The following CCSER1 variants were observed in gnomAD, a reference collection of about 807,000 sequenced individuals.
CCSER1 encodes coiled-coil serine rich protein 1, also known as serine-rich coiled-coil domain-containing protein 1.
CCSER1 carries 41 observed loss-of-function variants against 82.0 expected under a neutral mutation model. The observed-to-expected ratio is 0.50, with a 90% CI of 0.39 to 0.65. CCSER1 has a LOEUF of 0.65. Ranked by LOEUF, CCSER1 falls within the 30% of genes least tolerant of loss-of-function variation. The pLI, the probability that CCSER1 is intolerant of heterozygous loss-of-function variation, is 0.00. For missense variants in CCSER1, 1,119 were observed against 1,064.2 expected, an observed-to-expected ratio of 1.05 and a Z score of -0.72; for synonymous variants, 414 against 383.9, an observed-to-expected ratio of 1.08 and a Z score of -0.92.
chr4:90,382,962 T>C (rs139680273), intron 3 of CCSER1, among the ~76,000 whole-genome samples: 78 of 152,304 alleles, frequency 5.1e-4, no homozygotes, highest in African/African-American at 1.7e-3. Flanking sequence ...TAAATAGTTA[T>C]TGACTGAATT....
chr4:90,694,456 TAG>T (rs1736601547), intron 6 of CCSER1, among the ~76,000 whole-genome samples: 1 of 152,012 alleles, frequency 6.6e-6, no homozygotes, highest in Non-Finnish European at 1.5e-5. Flanking sequence ...GAGTCTGCAA[TAG>T]ATGCTAACTT....
intron 7 of CCSER1, among the ~76,000 whole-genome samples, chr4:90,749,111 G>C (rs377470817): frequency 1.3e-4 from 19 of 151,766 alleles, no homozygotes; most frequent in Admixed American, 2.0e-4. Context: ...AAGTCCTTGC[G>C]CATGCCTATG....
At position 90,183,673 on chromosome 4, in the gene CCSER1, T is replaced by C. The variant is rs538515154; in HGVS notation, c.-42+55842T>C. Among the ~76,000 whole-genome samples the C allele has an allele frequency of 1.5e-3, 225 of 152,320 alleles. 1 individual carries two copies. Among genetic ancestry groups the C allele is most frequent in the Non-Finnish European group, 2.8e-3 (189 of 68,022 alleles). On this transcript the variant is annotated intron_variant, in intron 1 of 10. Transcript: ENST00000509176. ...TATAGTCTGACTTGAGCTTTTTCTC[T>C]GACTAGATTTTTTACCTCAAAGGCA...
chr4:90,253,241 G>C (rs937130054), intron 1 of CCSER1, among the ~76,000 whole-genome samples: 1 of 152,014 alleles, frequency 6.6e-6, no homozygotes, highest in Non-Finnish European at 1.5e-5. Context: ...AAAAGGAATG[G>C]AAAGAAATGT....
intron 10 of CCSER1, among the ~76,000 whole-genome samples, chr4:91,320,021 T>C (rs139930252): frequency 2.6e-4 from 40 of 152,150 alleles, no homozygotes; most frequent in African/African-American, 9.1e-4. Context: ...TCATCCTTTT[T>C]GTCCAGGGTA....
In CCSER1 at chr4:91,267,772, G is replaced by C. The variant is rs539037774; in HGVS notation, c.2217+181778G>C. Among the ~76,000 whole-genome samples the C allele has an allele frequency of 5.3e-5, 8 of 152,344 alleles. No individual in the cohort carries two copies. The East Asian group carries it at 1.5e-3, about 29-fold the overall frequency. On this transcript the variant is annotated intron_variant, in intron 10 of 10. Coordinates refer to ENST00000509176, the MANE Select transcript of CCSER1 (RefSeq NM_001145065.2). Reference sequence around the variant, plus strand: ...CAGGACATTTATGACTAGCTGAGAGGAACTGATTGCCTTTGGCTGTGCCTT... The same window carrying C: ...CAGGACATTTATGACTAGCTGAGAGCAACTGATTGCCTTTGGCTGTGCCTT...
chr4:91,302,874 T>C (rs1014929993), intron 10 of CCSER1, among the ~76,000 whole-genome samples: 1 of 151,966 alleles, frequency 6.6e-6, no homozygotes, highest in African/African-American at 2.4e-5. Context: ...TCACAGCATT[T>C]ATCAATATCT....
intron 9 of CCSER1, among the ~76,000 whole-genome samples, chr4:91,029,191 T>C (rs897109715): frequency 3.3e-5 from 5 of 151,984 alleles, no homozygotes; most frequent in African/African-American, 1.2e-4. Context: ...AATAGATTCA[T>C]ATTTCTGCTC....
intron 9 of CCSER1, among the ~76,000 whole-genome samples, chr4:90,926,331 TAAA>T (rs1729061279): frequency 6.6e-6 from 1 of 152,018 alleles, no homozygotes. Flanking sequence ...GTTTTCTTCT[TAAA>T]GCTGCCAACA....
intron 3 of CCSER1, among the ~76,000 whole-genome samples, chr4:90,398,818 T>C (rs1011623206): frequency 6.6e-6 from 1 of 152,140 alleles, no homozygotes; most frequent in Non-Finnish European, 1.5e-5. Context: ...CCATGGTATG[T>C]GCACTATTCA....
intron 10 of CCSER1, among the ~76,000 whole-genome samples, chr4:91,140,424 C>T (rs1728913507): frequency 6.6e-6 from 1 of 151,774 alleles, no homozygotes; most frequent in African/African-American, 2.4e-5. Flanking sequence ...TCTTGGTCTT[C>T]CAGATTTAGA....
chr4:91,101,679 C>G (rs1278734071), intron 10 of CCSER1, among the ~76,000 whole-genome samples: 1 of 150,656 alleles, frequency 6.6e-6, no homozygotes, highest in Non-Finnish European at 1.5e-5. Context: ...CCCTCTACCT[C>G]CAAGCAAAAT....
At chr4:90,819,423 A>G (rs1337174046) in intron 8 of CCSER1, among the ~76,000 whole-genome samples, 2 of 152,186 alleles carry the variant, frequency 1.3e-5, no homozygotes, top group African/African-American at 4.8e-5. Context: ...GTTGTGGAAA[A>G]TTAGAGAGTT....
intron 10 of CCSER1, among the ~76,000 whole-genome samples, chr4:91,467,262 A>G (rs1304395572): frequency 1.3e-5 from 2 of 152,364 alleles, no homozygotes; most frequent in South Asian, 2.1e-4. Flanking sequence ...AGGATTCCCT[A>G]TTTAATAAAT....
intron 10 of CCSER1, among the ~76,000 whole-genome samples, chr4:91,205,190 A>G (rs1254911007): frequency 6.6e-6 from 1 of 151,834 alleles, no homozygotes; most frequent in East Asian, 1.9e-4. Context: ...GACATGAGTT[A>G]GTAATTAAAT....
At chr4:91,536,717 C>T (rs1391936422) in intron 10 of CCSER1, among the ~76,000 whole-genome samples, 2 of 152,124 alleles carry the variant, frequency 1.3e-5, no homozygotes, top group Non-Finnish European at 2.9e-5. Flanking sequence ...TTGTCACCAA[C>T]TCCAGTAACC....
intron 7 of CCSER1, among the ~76,000 whole-genome samples, chr4:90,742,486 A>G (rs1746706621): frequency 6.6e-6 from 1 of 152,124 alleles, no homozygotes; most frequent in Non-Finnish European, 1.5e-5. Context: ...CTTATAAAAC[A>G]GGTCTCAGAA....
intron 6 of CCSER1, among the ~76,000 whole-genome samples, chr4:90,698,611 T>A (rs1327449751): frequency 6.6e-6 from 1 of 152,152 alleles, no homozygotes; most frequent in South Asian, 2.1e-4. Context: ...CCAACTATGG[T>A]CAATTTTAAA....
intron 6 of CCSER1, among the ~76,000 whole-genome samples, chr4:90,653,363 G>A (rs1729132056): frequency 6.6e-6 from 1 of 151,788 alleles, no homozygotes; most frequent in African/African-American, 2.4e-5. Flanking sequence ...AGGAGTAGAG[G>A]GAAATAGTTG....
Sources: allele counts gnomAD v4.1 joint callset (sites outside exome capture counted in the v4.1 genomes callset), GRCh38; gene constraint gnomAD v4.1.1; transcripts MANE v1.5; gene names NCBI Gene and HGNC (gene_info 2026-07-23, HGNC 2026-07-21).